Variants in PDLIM2 observed in about 807,000 individuals in gnomAD.
PDLIM2 encodes PDZ and LIM domain protein 2.
In PDLIM2, 51 loss-of-function variants were observed where a neutral mutation model predicts 54.1. The ratio of observed to expected loss-of-function variants is 0.94; its 90% CI spans 0.75 to 1.19. PDLIM2 has a LOEUF of 1.19. Ranked by LOEUF, PDLIM2 falls within the 50% of genes most tolerant of loss-of-function variation. The pLI, the probability that PDLIM2 is intolerant of heterozygous loss-of-function variation, is 0.00. For missense variants in PDLIM2, 912 were observed against 874.0 expected, an observed-to-expected ratio of 1.04 and a Z score of -0.55; for synonymous variants, 398 against 385.6, an observed-to-expected ratio of 1.03 and a Z score of -0.38.
At chr8:22,589,979 G>C in intron 8 of PDLIM2, 1 of 552,426 alleles carries the variant, frequency 1.8e-6, no homozygotes, top group Non-Finnish European at 3.2e-6. Context: ...AGCCAGCTGG[G>C]ATGGGAAAGT....
rs562444491 is a variant in PDLIM2, at chr8:22,582,873, C to T, written c.995+1343C>T. Among the ~76,000 whole-genome samples, 28 of 151,384 alleles carry T rather than the reference C, an allele frequency of 1.8e-4. No individual in the cohort carries two copies. The South Asian group carries it at 5.0e-3, about 27-fold the overall frequency. Reference sequence around the variant, plus strand: ...GGGATTACAGGTATTACACCGCGCCCGGCCCAGTCTCCTTACTTTTGCTGA... The same window carrying T: ...GGGATTACAGGTATTACACCGCGCCTGGCCCAGTCTCCTTACTTTTGCTGA... On this transcript the variant is annotated intron_variant, in intron 3 of 9. Coordinates refer to ENST00000308354, the Ensembl canonical transcript of PDLIM2.
At chr8:22,587,637 C>G (rs1800416635) in intron 6 of PDLIM2, 1 of 152,216 alleles carries the variant, frequency 6.6e-6, no homozygotes, top group Non-Finnish European at 1.5e-5. Flanking sequence ...GATAAAAGGT[C>G]TCTTCTGTGA....
In PDLIM2 at chr8:22,589,850, C is replaced by G. The variant is rs1213334017; in HGVS notation, c.1513+109C>G. The G allele has an allele frequency of 2.8e-6, 4 of 1,426,756 alleles. No homozygotes were observed. The Admixed American group carries it at 8.6e-5, about 31-fold the overall frequency. The allele number at this position is 1,426,756 out of a possible 1,614,324, so 88.4% of individuals were successfully genotyped here. A position where few individuals can be genotyped will look rare whatever the true frequency, so the allele number is the denominator to read the frequency against. On this transcript the variant is annotated intron_variant, in intron 8 of 9. Coordinates refer to ENST00000308354, the Ensembl canonical transcript of PDLIM2. ...TCTTAAGTGCCTGTGAGGTGCTCACCCCAGGACTAGGCACGGAGCCGAGCA... is the reference window on the plus strand; with the variant it reads ...TCTTAAGTGCCTGTGAGGTGCTCACGCCAGGACTAGGCACGGAGCCGAGCA...
At chr8:22,594,671 C>T (rs751569498), downstream of PDLIM2, 6 of 1,599,186 alleles carry the variant, frequency 3.8e-6, no homozygotes, top group Non-Finnish European at 3.4e-6. Flanking sequence ...ATCCTGAGGA[C>T]CGGCCGCCCA....
chr8:22,596,570 C>T (rs1350198063), downstream of PDLIM2: 1 of 152,252 alleles, frequency 6.6e-6, no homozygotes, highest in African/African-American at 2.4e-5. Context: ...CGCACGCCGC[C>T]CGTCTATGTT....
rs575774467 is a variant in PDLIM2, at chr8:22,584,800, C to T, written c.996-21C>T. ...GGGTGCAGGGCCCCTGTGACATTCC[C>T]TCCCTCTGTTGCCTTCTCAGGTCTC... is the stretch of plus-strand genomic sequence containing the variant. On this transcript the variant is annotated intron_variant, in intron 3 of 9. Coordinates refer to ENST00000308354, the Ensembl canonical transcript of PDLIM2. 40 of 1,613,064 alleles carry T rather than the reference C, an allele frequency of 2.5e-5. No individual in the cohort carries two copies. The East Asian group carries it at 8.0e-4, about 32-fold the overall frequency.
chr8:22,580,639 C>T (rs976080541), exon 2 of PDLIM2: 6 of 1,613,944 alleles, frequency 3.7e-6, no homozygotes, highest in Non-Finnish European at 4.2e-6. Flanking sequence ...GGGCCAGCGC[C>T]CTGGGGCTTC....
intron 8 of PDLIM2, chr8:22,589,993 A>G (rs1232855281): frequency 1.9e-6 from 1 of 514,906 alleles, no homozygotes; most frequent in Middle Eastern, 5.1e-4. Context: ...GGAAAGTGTC[A>G]TTCGAGTGAT....
downstream of PDLIM2, chr8:22,596,282 G>C (rs897472219): frequency 6.6e-6 from 1 of 152,192 alleles, no homozygotes; most frequent in Non-Finnish European, 1.5e-5. Flanking sequence ...GTGAGGCATC[G>C]AATGCCTTCT....
At chr8:22,593,712 A>T in intron 9 of PDLIM2, 21 bp from the exon 9 acceptor site, 1 of 1,557,480 alleles carries the variant, frequency 6.4e-7, no homozygotes, top group Non-Finnish European at 8.7e-7. Context: ...CTCTGAGCTA[A>T]AGCCTCTCCC....
rs573446327 is a variant in PDLIM2 at position 22,585,169 on chromosome 8, G to A, written c.1211+7G>A. 4.3e-6 allele frequency: 7 copies of A among 1,612,774 alleles called. No individual in the cohort carries two copies. In the East Asian group the frequency reaches 1.1e-4, roughly 26 times the overall value. ...AGGCAGCCATCAGCCGCAGGTGAGTGTGCCTGTGAGTGGGTACCCTGGTCG... is the reference window on the plus strand; with the variant it reads ...AGGCAGCCATCAGCCGCAGGTGAGTATGCCTGTGAGTGGGTACCCTGGTCG... On this transcript the variant is annotated splice_region_variant and intron_variant, in intron 5 of 9. Transcript: ENST00000308354.
intron 6 of PDLIM2, chr8:22,588,985 G>A: frequency 1.9e-6 from 1 of 519,488 alleles, no homozygotes; most frequent in Non-Finnish European, 3.4e-6. Flanking sequence ...CGTGACAGAG[G>A]ACTCTGTGCT....
In PDLIM2 at chr8:22,589,928, C is replaced by T. The variant is rs536775372; in HGVS notation, c.1513+187C>T. On this transcript the variant is annotated intron_variant, in intron 8 of 9. Transcript: ENST00000308354. ...AAGGAGCTGACGGTCCGGGAGGGTC[C>T]GGGAGGGTCACCAGCGTGCTCCCAC... 902 of 573,418 alleles carry T rather than the reference C, an allele frequency of 1.6e-3. 2 individuals are homozygous for T. Among genetic ancestry groups the T allele is most frequent in the Non-Finnish European group, 2.1e-3 (730 of 348,784 alleles). The allele number at this position is 573,418 out of a possible 1,614,324, so 35.5% of individuals were successfully genotyped here.
At chr8:22,581,427 A>G (rs1340441804) in exon 3 of PDLIM2, 2 of 1,608,506 alleles carry the variant, frequency 1.2e-6, no homozygotes, top group South Asian at 1.1e-5. Context: ...GCCTGGAGAC[A>G]TAATCGTGGC....
chr8:22,584,362 G>A (rs1586921805), intron 3 of PDLIM2, among the ~76,000 whole-genome samples: 1 of 151,760 alleles, frequency 6.6e-6, no homozygotes, highest in East Asian at 1.9e-4. Flanking sequence ...AGGCTGGAAG[G>A]CAGTGGCACA....
At chr8:22,582,578 ATTTT>A (rs778664391) in intron 3 of PDLIM2, among the ~76,000 whole-genome samples, 1 of 126,026 alleles carries the variant, frequency 7.9e-6, no homozygotes. Flanking sequence ...CAGTCTCTTA[ATTTT>A]TTTTTTTTTT....
chr8:22,593,625 T>C, intron 9 of PDLIM2, 108 bp from the exon 9 acceptor site: 1 of 859,828 alleles, frequency 1.2e-6, no homozygotes, highest in East Asian at 2.9e-5. Context: ...GAGAAGGCTT[T>C]GGGCTCCACC....
chr8:22,593,079 GC>G (rs1204523771), intron 9 of PDLIM2: 1 of 152,576 alleles, frequency 6.6e-6, no homozygotes, highest in Non-Finnish European at 1.5e-5. Flanking sequence ...TTGCTATGTT[GC>G]CCAGTTTGGT....
chr8:22,582,362 G>A (rs559478264), intron 3 of PDLIM2, among the ~76,000 whole-genome samples: 36 of 152,258 alleles, frequency 2.4e-4, no homozygotes, highest in Non-Finnish European at 4.1e-4. Flanking sequence ...TTGCAGGAGC[G>A]GGACCCCAAG....
Sources: allele counts gnomAD v4.1 joint callset (sites outside exome capture counted in the v4.1 genomes callset), GRCh38; gene constraint gnomAD v4.1.1; transcripts MANE v1.5; gene names NCBI Gene and HGNC (gene_info 2026-07-23, HGNC 2026-07-21).